Variants in HACL2 observed in about 807,000 individuals in gnomAD.
The protein encoded by HACL2 is 2-hydroxyacyl-CoA lyase 2.
the HACL2 span, chr19:15,125,012 G>T: frequency 6.3e-7 from 1 of 1,587,458 alleles, no homozygotes; most frequent in East Asian, 2.3e-5. Flanking sequence ...GGAGCAGGAA[G>T]GAGGGGAATA....
At chr19:15,122,624 G>T in the HACL2 span, 1 of 1,285,304 alleles carries the variant, frequency 7.8e-7, no homozygotes, top group Non-Finnish European at 1.1e-6. This position sits in a 1 kb window ranked among gnomAD's most constrained non-coding sequence, Gnocchi z 4.0. Flanking sequence ...AAGGAGGATG[G>T]GTGTGGGCTG....
At chr19:15,125,424 A>T in the HACL2 span, 1 of 228,946 alleles carries the variant, frequency 4.4e-6, no homozygotes, top group African/African-American at 2.3e-5. Context: ...TCTTTCCACA[A>T]CCGGACCCCA....
chr19:15,115,369 C>T, the HACL2 span: 16 of 1,614,026 alleles, frequency 9.9e-6, no homozygotes, highest in African/African-American at 2.7e-5. Flanking sequence ...CCACCTGATC[C>T]TCGTTCTCCC....
the HACL2 span, chr19:15,116,600 G>C: frequency 8.6e-7 from 1 of 1,165,174 alleles, no homozygotes; most frequent in Non-Finnish European, 1.3e-6. Flanking sequence ...CAAAACAGCA[G>C]GAAGCCAGCA....
chr19:15,116,012 G>A, the HACL2 span: 2 of 1,613,934 alleles, frequency 1.2e-6, no homozygotes, highest in Non-Finnish European at 1.7e-6. Flanking sequence ...TCAGCATCTG[G>A]CCGGCACAGC....
chr19:15,123,690 A>G, the HACL2 span: 1 of 907,088 alleles, frequency 1.1e-6, no homozygotes, highest in African/African-American at 1.6e-5. This position sits in a 1 kb window ranked among gnomAD's most constrained non-coding sequence, Gnocchi z 5.1. Flanking sequence ...TGAGAGGTCA[A>G]GAGAAGCTTG....
At chr19:15,118,150 C>T in the HACL2 span, 1 of 1,082,546 alleles carries the variant, frequency 9.2e-7, no homozygotes, top group South Asian at 1.5e-5. Context: ...CCTACAGTGA[C>T]CTTGCAGCTC....
chr19:15,122,372 G>A, the HACL2 span, among the ~76,000 whole-genome samples: 1 of 152,080 alleles, frequency 6.6e-6, no homozygotes, highest in East Asian at 1.9e-4. The surrounding 1 kb of genome is among the most constrained non-coding windows in gnomAD (Gnocchi z 4.0). Context: ...GGAAAGGGAG[G>A]AGAAGAGGAA....
chr19:15,125,369 C>T, the HACL2 span: 4 of 379,470 alleles, frequency 1.1e-5, no homozygotes, highest in Non-Finnish European at 1.9e-5. Context: ...ACACAGTTAT[C>T]TTCCACTTAC....
the HACL2 span, among the ~76,000 whole-genome samples, chr19:15,121,812 C>CA: frequency 0.27 from 22,742 of 84,560 alleles, 2,223 homozygotes; most frequent in East Asian, 0.36. Context: ...GAATCTGTTT[C>CA]AAAAAAAAAA....
the HACL2 span, chr19:15,116,418 G>T: frequency 6.2e-7 from 1 of 1,614,002 alleles, no homozygotes. Flanking sequence ...CGAAAGGTCT[G>T]CTCCTTCTGC....
the HACL2 span, chr19:15,124,685 T>C: frequency 1.9e-6 from 1 of 538,408 alleles, no homozygotes; most frequent in Non-Finnish European, 3.3e-6. Context: ...AGGAGGTAGG[T>C]GGGGTGCGAG....
At chr19:15,118,006 C>T in the HACL2 span, 1 of 1,614,148 alleles carries the variant, frequency 6.2e-7, no homozygotes, top group Non-Finnish European at 8.5e-7. Flanking sequence ...GCGGAAGTCA[C>T]ACACAGTTCC....
chr19:15,123,472 C>T, the HACL2 span: 822 of 1,614,154 alleles, frequency 5.1e-4, no homozygotes, highest in Non-Finnish European at 6.4e-4. The surrounding 1 kb of genome is among the most constrained non-coding windows in gnomAD (Gnocchi z 5.1). Context: ...CCACCAGCAG[C>T]GGGGAAATGT....
At chr19:15,122,849 C>T in the HACL2 span, 2 of 1,613,328 alleles carry the variant, frequency 1.2e-6, no homozygotes, top group South Asian at 1.1e-5. This position sits in a 1 kb window ranked among gnomAD's most constrained non-coding sequence, Gnocchi z 4.0. Flanking sequence ...TGTCCCCAGC[C>T]CCTCGGCCCC....
At chr19:15,122,770 C>A in the HACL2 span, 799,098 of 1,613,754 alleles carry the variant, frequency 0.5, 201,863 homozygotes, top group African/African-American at 0.72. This position sits in a 1 kb window ranked among gnomAD's most constrained non-coding sequence, Gnocchi z 4.0. Flanking sequence ...AGTAGGGGTA[C>A]AGCACGTCAA....
At chr19:15,117,572 G>A in the HACL2 span, 5 of 237,202 alleles carry the variant, frequency 2.1e-5, no homozygotes, top group Non-Finnish European at 4.1e-5. Context: ...AGCTACTCAG[G>A]AGGCTGAGGT....
At chr19:15,117,685 A>T in the HACL2 span, 2 of 555,410 alleles carry the variant, frequency 3.6e-6, no homozygotes, top group Middle Eastern at 4.9e-4. Flanking sequence ...TCTCTAAAAA[A>T]TAAAAATAAA....
chr19:15,122,741 A>G, the HACL2 span: 6 of 1,614,032 alleles, frequency 3.7e-6, no homozygotes, highest in Non-Finnish European at 5.1e-6. The surrounding 1 kb of genome is among the most constrained non-coding windows in gnomAD (Gnocchi z 4.0). Context: ...GGCTGGCACC[A>G]TCTCCTTCTG....
Sources: gnomAD v4.1 joint callset for allele counts (sites outside exome capture counted in the v4.1 genomes callset) on GRCh38, gnomAD v4.1.1 for gene constraint, Gnocchi (gnomAD v3.1) non-coding constraint, MANE v1.5 for transcripts, NCBI Gene and HGNC (gene_info 2026-07-23, HGNC 2026-07-21) for gene names.